Variants in ARID4A observed in about 807,000 individuals in gnomAD.
ARID4A encodes AT-rich interactive domain-containing protein 4A.
A neutral mutation model predicts 148.6 loss-of-function variants in ARID4A; 39 were observed. The observed-to-expected ratio is 0.26, with a 90% CI of 0.20 to 0.34. ARID4A has a LOEUF of 0.34. ARID4A is among the 10% of genes least tolerant of loss of function. ARID4A has a pLI of 1.00. For synonymous variants in ARID4A, 475 were observed against 481.2 expected, an observed-to-expected ratio of 0.99 and a Z score of 0.17; for missense variants, 1,265 against 1,449.1, an observed-to-expected ratio of 0.87 and a Z score of 2.06.
At chr14:58,303,480 G>A (rs1219472710) in intron 3 of ARID4A, 1 of 467,636 alleles carries the variant, frequency 2.1e-6, no homozygotes, top group East Asian at 7.0e-5. Flanking sequence ...ATTGGTATTG[G>A]ATCATGCTGT....
At chr14:58,302,892 C>T (rs1159694911) in intron 3 of ARID4A, among the ~76,000 whole-genome samples, 2 of 151,842 alleles carry the variant, frequency 1.3e-5, no homozygotes, top group Admixed American at 6.6e-5. Context: ...CCTGGGAGGT[C>T]AAGGCTGCAG....
At chr14:58,319,844 G>A (rs1173982520) in intron 7 of ARID4A, among the ~76,000 whole-genome samples, 1 of 151,114 alleles carries the variant, frequency 6.6e-6, no homozygotes, top group Non-Finnish European at 1.5e-5. Flanking sequence ...ACTGCACCTG[G>A]CCTAATGTCT....
intron 19 of ARID4A, among the ~76,000 whole-genome samples, chr14:58,363,114 A>T (rs991335281): frequency 1.3e-5 from 2 of 152,180 alleles, no homozygotes; most frequent in Non-Finnish European, 2.9e-5. Flanking sequence ...TTAAACTACC[A>T]CTGAAAGGGA....
At chr14:58,366,359 T>C (rs2035360197) in intron 22 of ARID4A, 129 bp downstream of exon 22, 1 of 753,608 alleles carries the variant, frequency 1.3e-6, no homozygotes, top group East Asian at 2.7e-5. Flanking sequence ...AAATATTGCC[T>C]TAGCAAGAAT....
intron 11 of ARID4A, among the ~76,000 whole-genome samples, chr14:58,335,322 T>G (rs2033756188): frequency 6.6e-6 from 1 of 151,830 alleles, no homozygotes; most frequent in Non-Finnish European, 1.5e-5. Context: ...TTTTTTTTTT[T>G]TTTTTTAAGA....
At position 58,366,189 on chromosome 14, in the gene ARID4A, C is replaced by A. The variant is rs779006151; in HGVS notation, c.3482C>A (p.Pro1161Gln). 3.1e-6 allele frequency: 5 copies of A among 1,613,674 alleles called. No homozygotes were observed. Among genetic ancestry groups the A allele is most frequent in the African/African-American group, 1.3e-5 (1 of 74,898 alleles). The change falls in exon 22 of 24, where the codon CCG (proline) becomes CAG (glutamine). Residue 1161 changes from proline (P) to glutamine (Q), a missense_variant. Around this residue, in one of 9 missense-constraint regions of ARID4A, gnomAD observed 666 missense variants for 730.9 expected, o/e 0.91. Transcript: ENST00000355431. Reference protein sequence around the residue: ...GEKDKHREKHPNSSPRTYKWS... With the variant: ...GEKDKHREKHQNSSPRTYKWS... ...AAAGATAAACACAGAGAAAAACATC[C>A]GAATTCATCCCCTAGGACATATAAA...
At chr14:58,357,027 C>T (rs1393117353) in intron 17 of ARID4A, among the ~76,000 whole-genome samples, 2 of 151,930 alleles carry the variant, frequency 1.3e-5, no homozygotes, top group African/African-American at 2.4e-5. Flanking sequence ...CCTGGTCTAG[C>T]GATATGCAGT....
In ARID4A at chr14:58,328,279, GA is replaced by G; in HGVS notation, c.626del (p.Asp209ValfsTer4). The G allele has an allele frequency of 6.2e-7, 1 of 1,605,168 alleles. No individual in the cohort carries two copies. The highest frequency in any genetic ancestry group is 1.7e-5 in the Admixed American group (1 of 59,872). On this transcript the variant is annotated frameshift_variant, in exon 9 of 24. Transcript: ENST00000355431. LOFTEE classifies it high-confidence loss of function. ...SCNDDITVKKDQCLVRSFIDS... is the reference protein window; with the variant it reads ...SCNDDITVKKXQCLVRSFIDS... ...TAATGATGACATCACAGTGAAAAAG[GA>G]TCAGTGTTTAGTTCGATCATTTATT...
At chr14:58,353,138 A>G (rs1279720665) in intron 16 of ARID4A, among the ~76,000 whole-genome samples, 1 of 152,192 alleles carries the variant, frequency 6.6e-6, no homozygotes, top group Non-Finnish European at 1.5e-5. Context: ...GCCAAGAACT[A>G]TTCTAATTCT....
intron 11 of ARID4A, among the ~76,000 whole-genome samples, chr14:58,341,975 G>T (rs1468159598): frequency 6.6e-6 from 1 of 152,164 alleles, no homozygotes; most frequent in Admixed American, 6.5e-5. Context: ...ATGCAACAGT[G>T]CCAGGCCTTC....
At position 58,329,746 on chromosome 14, in the gene ARID4A, T is replaced by C. The variant is rs1459152894; in HGVS notation, c.739+142T>C. ...CCACTCTTACTTGATTTTTTTTTAA[T>C]GTCTAGATACAATATTTGATTTGTG... On this transcript the variant is annotated intron_variant, in intron 10 of 23. Coordinates refer to ENST00000355431, the MANE Select transcript of ARID4A (RefSeq NM_002892.4). 7 of 952,288 alleles carry C rather than the reference T, an allele frequency of 7.4e-6. No individual in the cohort carries two copies. In the African/African-American group the frequency reaches 1.0e-4, roughly 14 times the overall value. The allele number at this position is 952,288 out of a possible 1,614,324, so 59.0% of individuals were successfully genotyped here.
intron 8 of ARID4A, among the ~76,000 whole-genome samples, chr14:58,327,279 TGC>T (rs2140184949): frequency 6.6e-6 from 1 of 152,236 alleles, no homozygotes; most frequent in African/African-American, 2.4e-5. Context: ...CTGTGAATGG[TGC>T]TGGAATGTAG....
chr14:58,351,244 A>G lies in ARID4A; in HGVS notation c.1576A>G (p.Lys526Glu). The G allele has an allele frequency of 6.2e-7, 1 of 1,612,276 alleles. No individual in the cohort carries two copies. The highest frequency in any genetic ancestry group is 8.5e-7 in the Non-Finnish European group (1 of 1,179,694). Residue 526 changes from lysine (K) to glutamate (E), a missense_variant, in exon 16 of 24, where the codon AAG becomes GAG. Physicochemically the swap from Lys to Glu is moderately conservative, Grantham distance 56. This residue lies in a region of ARID4A where 205 missense variants were observed against 196.9 expected (regional missense o/e 1.04). Coordinates refer to ENST00000355431, the MANE Select transcript of ARID4A (RefSeq NM_002892.4). ...ELLLGRKNTP[K>E]QKEKKIKKQE... ...ACTACTGGGGAGAAAAAATACACCA[A>G]AGCAAAAAGAGAAGAAAATTAAAAA...
intron 5 of ARID4A, among the ~76,000 whole-genome samples, chr14:58,306,927 G>A (rs987304699): frequency 6.6e-6 from 1 of 152,160 alleles, no homozygotes; most frequent in African/African-American, 2.4e-5. Context: ...TAATATGAAT[G>A]CATGAATGCA....
At chr14:58,333,086 T>G (rs972491803) in intron 11 of ARID4A, among the ~76,000 whole-genome samples, 1 of 152,124 alleles carries the variant, frequency 6.6e-6, no homozygotes, top group Non-Finnish European at 1.5e-5. Context: ...TATTGGTAGT[T>G]CAGGATTTGA....
intron 11 of ARID4A, among the ~76,000 whole-genome samples, chr14:58,333,923 C>G (rs576954929): frequency 6.6e-6 from 1 of 152,096 alleles, no homozygotes; most frequent in Non-Finnish European, 1.5e-5. Context: ...TGAAGCATTT[C>G]TAAGCAGATC....
intron 23 of ARID4A, 143 bp from the exon 24 acceptor site, chr14:58,371,743 A>T (rs2035624448): frequency 1.4e-6 from 1 of 696,066 alleles, no homozygotes; most frequent in South Asian, 1.7e-5. Context: ...ATTTTTGCTG[A>T]CAATTTGTTA....
rs2030977979 is a variant in ARID4A at position 58,299,801 on chromosome 14, T to C, written c.-54T>C. The C allele has an allele frequency of 2.5e-6, 4 of 1,613,844 alleles. No homozygotes were observed. In the Admixed American group the frequency reaches 6.7e-5, roughly 27 times the overall value. On this transcript the variant is annotated 5_prime_UTR_variant, in exon 2 of 24. Coordinates refer to ENST00000355431, the MANE Select transcript of ARID4A (RefSeq NM_002892.4). ...CTGTCTTTCCCCCTCCCCATAGTTC[T>C]AGCGACTGCGAAGATAGCTCGCTGA...
Position 58,364,283 on chromosome 14 carries a change from C to CCAAATT in ARID4A, c.2194_2195insCAAATT (p.Lys731_Leu732insProAsn). On this transcript the variant is annotated inframe_insertion, in exon 20 of 24. Transcript: ENST00000355431. Reference sequence around the variant, plus strand: ...AAATGAAAATTTGAATGATGATAAGCTAGATGAAGAAAATCCAAAGATTTC... The same window carrying CCAAATT: ...AAATGAAAATTTGAATGATGATAAGCCAAATTTAGATGAAGAAAATCCAAAGATTTC... The CCAAATT allele has an allele frequency of 6.4e-7, 1 of 1,556,684 alleles. No individual in the cohort carries two copies. Among genetic ancestry groups the CCAAATT allele is most frequent in the Non-Finnish European group, 8.6e-7 (1 of 1,161,634 alleles).
Sources: allele counts gnomAD v4.1 joint callset (sites outside exome capture counted in the v4.1 genomes callset), GRCh38; gene constraint gnomAD v4.1.1; regional missense constraint gnomAD v4.1.1; transcripts MANE v1.5; gene names NCBI Gene and HGNC (gene_info 2026-07-23, HGNC 2026-07-21).